The following FAF1 variants were observed in gnomAD, a reference collection of about 807,000 sequenced individuals.
The protein encoded by FAF1 is Fas associated factor 1, also known as FAS-associated factor 1.
In FAF1, 25 loss-of-function variants were observed where a neutral mutation model predicts 92.5. That is an observed-to-expected ratio of 0.27 (90% CI 0.20 to 0.38). The LOEUF is 0.38. FAF1 is among the 10% of genes least tolerant of loss of function. The pLI, the probability that FAF1 is intolerant of heterozygous loss-of-function variation, is 1.00. For missense variants in FAF1, 636 were observed against 793.3 expected, an observed-to-expected ratio of 0.80 and a Z score of 2.38; for synonymous variants, 234 against 273.2, an observed-to-expected ratio of 0.86 and a Z score of 1.42.
At chr1:50,939,819 A>C (rs1213254246) in intron 1 of FAF1, among the ~76,000 whole-genome samples, 1 of 152,214 alleles carries the variant, frequency 6.6e-6, no homozygotes, top group Non-Finnish European at 1.5e-5. Flanking sequence ...TATGTGGTGA[A>C]TCACATTTAT....
chr1:50,796,495 C>T (rs912072641), intron 3 of FAF1, among the ~76,000 whole-genome samples: 1 of 152,170 alleles, frequency 6.6e-6, no homozygotes, highest in Non-Finnish European at 1.5e-5. Flanking sequence ...TAACCTCAAC[C>T]TCCATCAGCC....
intron 1 of FAF1, among the ~76,000 whole-genome samples, chr1:50,927,184 T>A (rs1198971091): frequency 2.6e-5 from 4 of 152,198 alleles, no homozygotes; most frequent in Non-Finnish European, 5.9e-5. Context: ...TGATGCCACA[T>A]AACAATGTGA....
intron 2 of FAF1, among the ~76,000 whole-genome samples, chr1:50,815,339 T>C (rs1256304728): frequency 6.6e-6 from 1 of 152,156 alleles, no homozygotes; most frequent in Non-Finnish European, 1.5e-5. Flanking sequence ...GGTCCTGAGT[T>C]AATTCGCTTA....
chr1:50,457,597 T>C (rs1289909740), intron 18 of FAF1, among the ~76,000 whole-genome samples: 1 of 151,798 alleles, frequency 6.6e-6, no homozygotes, highest in South Asian at 2.1e-4. Context: ...AAAGCTTATT[T>C]GATTTCTTGG....
At chr1:50,795,590 T>C (rs1331480618) in intron 3 of FAF1, among the ~76,000 whole-genome samples, 2 of 152,198 alleles carry the variant, frequency 1.3e-5, no homozygotes, top group Non-Finnish European at 2.9e-5. Flanking sequence ...AAATGCTTTA[T>C]ATCAGTGTCC....
intron 2 of FAF1, among the ~76,000 whole-genome samples, chr1:50,814,491 G>A (rs189193895): frequency 3.0e-4 from 46 of 152,096 alleles, no homozygotes; most frequent in African/African-American, 1.1e-3. Context: ...ACCAACTACA[G>A]ATACATTCAT....
chr1:50,915,450 C>T (rs1272023040), intron 1 of FAF1, among the ~76,000 whole-genome samples: 1 of 150,838 alleles, frequency 6.6e-6, no homozygotes, highest in Non-Finnish European at 1.5e-5. Flanking sequence ...TATCCCTGAA[C>T]CATGTTAGGA....
intron 1 of FAF1, among the ~76,000 whole-genome samples, chr1:50,921,482 C>G (rs571040308): frequency 6.4e-4 from 98 of 152,334 alleles, no homozygotes; most frequent in South Asian, 3.7e-3. Context: ...ATTAAAGTGG[C>G]CAGGCATGGT....
chr1:50,632,102 T>C (rs1196040050), intron 8 of FAF1, among the ~76,000 whole-genome samples: 1 of 152,164 alleles, frequency 6.6e-6, no homozygotes, highest in East Asian at 1.9e-4. Context: ...GACTACTGTA[T>C]ATCAAAGCAA....
In FAF1 at chr1:50,443,615, T is replaced by C. The variant is rs111476427; in HGVS notation, c.1870-2092A>G. ...CTAGGTCTGTCACTTCCTACCAGTA[T>C]GACTTTGAAGAAATTATATAACCTG... On this transcript the variant is annotated intron_variant, in intron 18 of 18. Coordinates refer to ENST00000396153, the MANE Select transcript of FAF1 (RefSeq NM_007051.3). Among the ~76,000 whole-genome samples the C allele has an allele frequency of 1.3e-3, 198 of 152,290 alleles. 1 individual carries two copies. Among genetic ancestry groups the C allele is most frequent in the African/African-American group, 4.4e-3 (184 of 41,552 alleles).
intron 4 of FAF1, among the ~76,000 whole-genome samples, chr1:50,759,913 C>G (rs1380766158): frequency 6.6e-6 from 1 of 152,176 alleles, no homozygotes; most frequent in Non-Finnish European, 1.5e-5. Context: ...TGATGATGAG[C>G]ATTTTTTCAT....
At chr1:50,884,309 G>A (rs900912736) in intron 1 of FAF1, among the ~76,000 whole-genome samples, 1 of 151,456 alleles carries the variant, frequency 6.6e-6, no homozygotes, top group African/African-American at 2.4e-5. Context: ...GAGGCCAGGG[G>A]TTCAAGACTA....
At chr1:50,879,780 G>A (rs574322226) in intron 1 of FAF1, among the ~76,000 whole-genome samples, 3 of 152,206 alleles carry the variant, frequency 2.0e-5, no homozygotes, top group East Asian at 1.9e-4. Flanking sequence ...TCACAATCTC[G>A]GGTTGGGGTC....
At chr1:50,563,730 A>AAGATCTT (rs2149054302) in intron 13 of FAF1, among the ~76,000 whole-genome samples, 1 of 152,222 alleles carries the variant, frequency 6.6e-6, no homozygotes. Flanking sequence ...AGGAGATCAC[A>AAGATCTT]ATTTAGCAGG....
At chr1:50,846,452 G>A (rs1031474409) in intron 2 of FAF1, 12 of 443,572 alleles carry the variant, frequency 2.7e-5, no homozygotes, top group Non-Finnish European at 3.1e-5. Flanking sequence ...CGAGCCGCAC[G>A]CATCGAGCCT....
chr1:50,953,873 C>G (rs1477536886), intron 1 of FAF1, among the ~76,000 whole-genome samples: 1 of 152,018 alleles, frequency 6.6e-6, no homozygotes, highest in East Asian at 1.9e-4. Flanking sequence ...AAAATAACAT[C>G]AAATCAATGC....
intron 13 of FAF1, among the ~76,000 whole-genome samples, chr1:50,541,272 A>G (rs1455259725): frequency 2.0e-5 from 3 of 152,216 alleles, no homozygotes; most frequent in African/African-American, 4.8e-5. Context: ...CACCATTGCA[A>G]TAAGTTCATT....
chr1:50,754,656 CA>C (rs1436775533), intron 4 of FAF1, among the ~76,000 whole-genome samples: 1 of 152,178 alleles, frequency 6.6e-6, no homozygotes, highest in Non-Finnish European at 1.5e-5. Flanking sequence ...ACCAATTTCT[CA>C]GTATCAAACA....
intron 18 of FAF1, among the ~76,000 whole-genome samples, chr1:50,446,028 T>C (rs747520606): frequency 2.0e-5 from 3 of 152,202 alleles, no homozygotes; most frequent in Admixed American, 6.5e-5. Flanking sequence ...ATCACTGCTG[T>C]TGAGAAAAAT....
Sources: gnomAD v4.1 joint callset for allele counts (sites outside exome capture counted in the v4.1 genomes callset) on GRCh38, gnomAD v4.1.1 for gene constraint, MANE v1.5 for transcripts, NCBI Gene and HGNC (gene_info 2026-07-23, HGNC 2026-07-21) for gene names.